RDH11: variants seen among roughly 807,000 people sequenced by gnomAD.
RDH11 encodes retinol dehydrogenase 11.
A neutral mutation model predicts 33.4 loss-of-function variants in RDH11; 19 were observed. That is an observed-to-expected ratio of 0.57 (90% CI 0.40 to 0.83). The LOEUF is 0.83. Ranked by LOEUF, RDH11 falls within the 40% of genes least tolerant of loss-of-function variation. The probability of loss-of-function intolerance (pLI) is 0.00; values close to 1 mark genes in which losing one functional copy is unlikely to be tolerated. For missense variants in RDH11, 353 were observed against 389.0 expected, an observed-to-expected ratio of 0.91 and a Z score of 0.78; for synonymous variants, 154 against 155.3, an observed-to-expected ratio of 0.99 and a Z score of 0.06.
chr14:67,681,099 T>TA (rs1344737536), intron 6 of RDH11, among the ~76,000 whole-genome samples: 1 of 152,128 alleles, frequency 6.6e-6, no homozygotes, highest in Non-Finnish European at 1.5e-5. Flanking sequence ...TAACTAAGGT[T>TA]AAATGAGGTC....
chr14:67,695,022 A>G (rs920594750), intron 1 of RDH11, among the ~76,000 whole-genome samples: 1 of 151,984 alleles, frequency 6.6e-6, no homozygotes, highest in African/African-American at 2.4e-5. Context: ...CCCAGCCCTC[A>G]CCGCCCCAGT....
rs41304365 is a variant in RDH11 at position 67,691,330 on chromosome 14, A to G, written c.350-86T>C. 1,365 of 834,094 alleles carry G rather than the reference A, an allele frequency of 1.6e-3. 2 individuals carry two copies. Among genetic ancestry groups the G allele is most frequent in the Non-Finnish European group, 1.8e-3 (880 of 494,984 alleles). 51.7% of individuals were successfully genotyped at this position (834,094 alleles called of 1,614,324 possible). The stretch of plus-strand genomic sequence containing the variant: ...GCTGCCTCACGCTCAGGCTTTGAAA[A>G]TGAGGATGCAGGACTTCAATCTTCC... On this transcript the variant is annotated intron_variant, in intron 3 of 6. Transcript: ENST00000381346.
rs2037568511 is a variant in RDH11, at chr14:67,678,232, G to A, written c.*89C>T. On this transcript the variant is annotated 3_prime_UTR_variant, in exon 7 of 7. Transcript: ENST00000381346. The stretch of plus-strand genomic sequence containing the variant: ...AGGTTTTGCTCTCTTTGTGCTAAAG[G>A]TTTTGAAAACCTTGAAGGAGAATCA... The A allele has an allele frequency of 2.2e-6, 2 of 907,868 alleles. No homozygotes were observed. Among genetic ancestry groups the A allele is most frequent in the Non-Finnish European group, 3.6e-6 (2 of 557,284 alleles). The allele number at this position is 907,868 out of a possible 1,614,324, so 56.2% of individuals were successfully genotyped here. A position where few individuals can be genotyped will look rare whatever the true frequency, so the allele number is the denominator to read the frequency against.
In RDH11 at chr14:67,695,626, A is replaced by G; in HGVS notation, c.74+4T>C. 1 of 1,613,614 alleles carries G rather than the reference A, an allele frequency of 6.2e-7. No homozygotes were observed. The highest frequency in any genetic ancestry group is 1.7e-4 in the Middle Eastern group (1 of 6,060). Reference sequence around the variant, plus strand: ...TCAAGAGAAGGCAATACATTTGCACAGACCTGATTTGGGGCGCAGCCATAT... The same window carrying G: ...TCAAGAGAAGGCAATACATTTGCACGGACCTGATTTGGGGCGCAGCCATAT... On this transcript the variant is annotated splice_donor_region_variant and intron_variant, in intron 1 of 6. Coordinates refer to ENST00000381346, the MANE Select transcript of RDH11 (RefSeq NM_016026.4).
intron 1 of RDH11, among the ~76,000 whole-genome samples, chr14:67,694,487 C>CAT (rs763668173): frequency 1.4e-5 from 2 of 146,050 alleles, no homozygotes; most frequent in Admixed American, 1.4e-4. Flanking sequence ...TACACACACA[C>CAT]ACATATATAT....
chr14:67,680,739 G>A (rs751142443), intron 6 of RDH11, among the ~76,000 whole-genome samples: 5 of 152,232 alleles, frequency 3.3e-5, no homozygotes, highest in South Asian at 2.1e-4. Flanking sequence ...GATTACAGGC[G>A]TGAGCCGCCG....
chr14:67,689,944 C>CAA (rs112188719), intron 5 of RDH11: 628 of 301,648 alleles, frequency 2.1e-3, no homozygotes, highest in South Asian at 3.4e-3. Context: ...GATCCCGTCT[C>CAA]AAAAAAAAAA....
chr14:67,694,153 C>T (rs1422219253), intron 1 of RDH11, among the ~76,000 whole-genome samples: 2 of 152,042 alleles, frequency 1.3e-5, no homozygotes, highest in African/African-American at 4.8e-5. Context: ...AAGGTACATA[C>T]TCTTAGCCAT....
chr14:67,692,723 A>G, intron 2 of RDH11, 130 bp from the exon 3 acceptor site: 1 of 1,097,070 alleles, frequency 9.1e-7, no homozygotes, highest in Non-Finnish European at 1.3e-6. Flanking sequence ...GAGGTATCTG[A>G]TTAGCAAATA....
Position 67,678,165 on chromosome 14 carries a change from G to C in RDH11, c.*156C>G. The C allele has an allele frequency of 1.7e-6, 1 of 579,808 alleles. No individual in the cohort carries two copies. The highest frequency in any genetic ancestry group is 3.1e-6 in the Non-Finnish European group (1 of 320,980). The allele number at this position is 579,808 out of a possible 1,614,324, so 35.9% of individuals were successfully genotyped here. A position where few individuals can be genotyped will look rare whatever the true frequency, so the allele number is the denominator to read the frequency against. On this transcript the variant is annotated 3_prime_UTR_variant, in exon 7 of 7. Transcript: ENST00000381346. ...GACAGACATTTAGACGAATCTGGCA[G>C]TACACTGAGTTTTAACTGGACACCA... is the stretch of plus-strand genomic sequence containing the variant.
intron 2 of RDH11, 33 bp from the exon 3 acceptor site, chr14:67,692,626 GCT>G: frequency 1.3e-6 from 2 of 1,516,424 alleles, no homozygotes; most frequent in Non-Finnish European, 1.8e-6. Context: ...GAAATGGTCA[GCT>G]CTGTTTTTGA....
In RDH11 at chr14:67,690,531, TC is replaced by T. The variant is rs2037736444; in HGVS notation, c.455-111del. The T allele has an allele frequency of 7.1e-6, 6 of 850,788 alleles. No homozygotes were observed. The Admixed American group carries it at 1.4e-4, about 20-fold the overall frequency. 52.7% of individuals were successfully genotyped at this position (850,788 alleles called of 1,614,324 possible). A position where few individuals can be genotyped will look rare whatever the true frequency, so the allele number is the denominator to read the frequency against. The stretch of plus-strand genomic sequence containing the variant: ...GCAGATAATTCAGAAATAAGGTCTT[TC>T]CCTCCAACTTTTCATTATCAACTAG... On this transcript the variant is annotated intron_variant, in intron 4 of 6. Transcript: ENST00000381346.
intron 5 of RDH11, among the ~76,000 whole-genome samples, chr14:67,689,728 G>A (rs1196508256): frequency 6.6e-6 from 1 of 152,132 alleles, no homozygotes; most frequent in African/African-American, 2.4e-5. Context: ...TGGATCACCT[G>A]AGGTCACGAG....
rs367568672 is a variant in RDH11, at chr14:67,678,990, A to G, written c.855-567T>C. ...ACCAAGGTACGAGGTGTCTTGGTCCATTTTGTGGTACTGTAACAGAATACG... is the reference window on the plus strand; with the variant it reads ...ACCAAGGTACGAGGTGTCTTGGTCCGTTTTGTGGTACTGTAACAGAATACG... On this transcript the variant is annotated intron_variant, in intron 6 of 6. Coordinates refer to ENST00000381346, the MANE Select transcript of RDH11 (RefSeq NM_016026.4). Among the ~76,000 whole-genome samples the G allele has an allele frequency of 3.0e-4, 46 of 152,360 alleles. 1 individual carries two copies. Among genetic ancestry groups the G allele is most frequent in the African/African-American group, 1.1e-3 (45 of 41,588 alleles).
chr14:67,681,824 C>G (rs1423747709), intron 6 of RDH11, among the ~76,000 whole-genome samples: 2 of 151,932 alleles, frequency 1.3e-5, no homozygotes, highest in Non-Finnish European at 1.5e-5. Flanking sequence ...CTATGTAATG[C>G]TACAACTATA....
At chr14:67,694,634 A>AAG (rs2037804909) in intron 1 of RDH11, among the ~76,000 whole-genome samples, 2 of 152,126 alleles carry the variant, frequency 1.3e-5, no homozygotes, top group Admixed American at 6.6e-5. Context: ...AAAGATAAAA[A>AAG]GCAGTGTTTT....
At position 67,685,191 on chromosome 14, in the gene RDH11, C is replaced by T. The variant is rs766287825; in HGVS notation, c.678G>A (p.Thr226=). 22 of 1,612,218 alleles carry T rather than the reference C, an allele frequency of 1.4e-5. No homozygotes were observed. The highest frequency in any genetic ancestry group is 1.8e-5 in the Non-Finnish European group (21 of 1,179,204). Residue 226 remains threonine, a synonymous_variant, in exon 6 of 7, where the codon ACG becomes ACA. Transcript: ENST00000381346. ...CTGTGCCAGGGTGTACAGAATACGT[C>T]GTAACGCCAGAGCCTGGTTGGGGGT... is the stretch of plus-strand genomic sequence containing the variant. ...LARRLKGSGV[T]TYSVHPGTVQ... is the part of the protein sequence containing the mutation.
At position 67,685,021 on chromosome 14, in the gene RDH11, T is replaced by C; in HGVS notation, c.848A>G (p.His283Arg). ...AAAGAGATAACATTCATACCTGAAA[T>C]GATTCCCACTTAGAATCTCAAGACC... ...TEGLEILSGN[H>R]FSDCHVAWVS... Residue 283 changes from histidine (H) to arginine (R), a missense_variant, in exon 6 of 7, where the codon CAT becomes CGT. Physicochemically the swap from His to Arg is conservative, Grantham distance 29 (BLOSUM62 0). Transcript: ENST00000381346. 6.2e-7 allele frequency: 1 copy of C among 1,607,306 alleles called. No homozygotes were observed. The highest frequency in any genetic ancestry group is 2.2e-5 in the East Asian group (1 of 44,826).
intron 1 of RDH11, among the ~76,000 whole-genome samples, chr14:67,695,337 C>T (rs1322192583): frequency 1.3e-5 from 2 of 152,190 alleles, no homozygotes; most frequent in East Asian, 1.9e-4. Flanking sequence ...TTGAGGTAGC[C>T]TTACCCTCGG....
Sources: allele counts gnomAD v4.1 joint callset (sites outside exome capture counted in the v4.1 genomes callset), GRCh38; gene constraint gnomAD v4.1.1; transcripts MANE v1.5; gene names NCBI Gene and HGNC (gene_info 2026-07-23, HGNC 2026-07-21).